LLGL1: variants seen among roughly 807,000 people sequenced by gnomAD.
The protein encoded by LLGL1 is LLGL scribble cell polarity complex component 1, also known as lethal(2) giant larvae protein homolog 1.
LLGL1 carries 58 observed loss-of-function variants against 110.6 expected under a neutral mutation model. The observed-to-expected ratio is 0.52, with a 90% confidence interval of 0.42 to 0.65. The LOEUF is 0.65. Among genes scored for constraint, LLGL1 ranks in the 30% least tolerant of loss-of-function variants. The pLI is 0.00. For synonymous variants in LLGL1, 674 were observed against 607.2 expected, an observed-to-expected ratio of 1.11 and a Z score of -1.62; for missense variants, 1,229 against 1,462.1, an observed-to-expected ratio of 0.84 and a Z score of 2.60.
chr17:18,234,886 G>T lies in LLGL1; in HGVS notation c.953G>T (p.Gly318Val). 1 of 1,614,002 alleles carries T rather than the reference G, an allele frequency of 6.2e-7. No homozygotes were observed. The highest frequency in any genetic ancestry group is 1.6e-4 in the Middle Eastern group (1 of 6,062). ...GGTGGCATGCCCCGTGCCAGCTATG[G>T]TGACCGCCACTGTGTAAGTGTGCTT... ...FSGGMPRASY[G>V]DRHCVSVLRA... Residue 318 changes from glycine to valine, a missense_variant, in exon 9 of 23, where the codon GGT becomes GTT. Transcript: ENST00000316843.
At chr17:18,233,631 A>C (rs1431477273) in intron 4 of LLGL1, 147 bp from the exon 5 acceptor site, 6 of 761,262 alleles carry the variant, frequency 7.9e-6, no homozygotes, top group African/African-American at 7.0e-5. Flanking sequence ...ATGATGATGC[A>C]TGTCTTCCTG....
chr17:18,226,688 G>A (rs1048495322), intron 1 of LLGL1, among the ~76,000 whole-genome samples: 4 of 152,246 alleles, frequency 2.6e-5, no homozygotes, highest in African/African-American at 9.6e-5. Context: ...GCACCAAGGT[G>A]GAGTGAGGTG....
chr17:18,225,900 C>G (rs1381815681), intron 1 of LLGL1, 137 bp downstream of exon 1: 1 of 214,018 alleles, frequency 4.7e-6, no homozygotes, highest in Admixed American at 6.6e-5. Flanking sequence ...GGGGCCGGGC[C>G]GGGCCGCGCA....
At position 18,233,805 on chromosome 17, in the gene LLGL1, A is replaced by G. The variant is rs1597865227; in HGVS notation, c.420A>G (p.Thr140=). Residue 140 remains threonine, a synonymous_variant, in exon 5 of 23, where the codon ACA becomes ACG. Transcript: ENST00000316843. Reference sequence around the variant, plus strand: ...CTCCGCTCAGCCTTACCCGAGTCACAGTGGTCCTGCTGGTGGCTGCCAGCG... The same window carrying G: ...CTCCGCTCAGCCTTACCCGAGTCACGGTGGTCCTGCTGGTGGCTGCCAGCG... The part of the protein sequence containing the change: ...ASAPLSLTRV[T]VVLLVAASDI... 4 of 1,613,952 alleles carry G rather than the reference A, an allele frequency of 2.5e-6. No individual in the cohort carries two copies. The highest frequency in any genetic ancestry group is 3.4e-6 in the Non-Finnish European group (4 of 1,179,934).
intron 17 of LLGL1, 67 bp from the exon 18 acceptor site, chr17:18,241,384 C>T (rs898832196): frequency 5.8e-5 from 89 of 1,539,146 alleles, no homozygotes; most frequent in Non-Finnish European, 7.3e-5. Context: ...TCAGCAGCCA[C>T]GAGGGTGAGG....
At chr17:18,235,658 G>A (rs2047677149) in intron 11 of LLGL1, 121 bp downstream of exon 11, 1 of 914,690 alleles carries the variant, frequency 1.1e-6, no homozygotes, top group African/African-American at 1.7e-5. Flanking sequence ...GGACCAGGTA[G>A]TTCCTCCTTG....
In LLGL1 at chr17:18,234,426, CT is replaced by C; in HGVS notation, c.850+20del. 1 of 1,609,524 alleles carries C rather than the reference CT, an allele frequency of 6.2e-7. No homozygotes were observed. Among genetic ancestry groups the C allele is most frequent in the Non-Finnish European group, 8.5e-7 (1 of 1,178,216 alleles). ...ACCTTACGGTGAGTGCTGGGGACACCTTAGCCAGAGGGTGGTGATGGGAGGG... is the reference window on the plus strand; with the variant it reads ...ACCTTACGGTGAGTGCTGGGGACACCTAGCCAGAGGGTGGTGATGGGAGGG... On this transcript the variant is annotated intron_variant, in intron 7 of 22. Coordinates refer to ENST00000316843, the MANE Select transcript of LLGL1 (RefSeq NM_004140.4).
intron 17 of LLGL1, chr17:18,241,105 C>T: frequency 1.7e-6 from 1 of 588,214 alleles, no homozygotes; most frequent in Non-Finnish European, 2.9e-6. Flanking sequence ...CTAGTCCTAT[C>T]TCACTGTGCC....
chr17:18,243,569 C>T (rs1029681371), intron 22 of LLGL1, among the ~76,000 whole-genome samples: 71 of 152,356 alleles, frequency 4.7e-4, no homozygotes, highest in African/African-American at 1.5e-3. Context: ...TCTGTGGATC[C>T]TCACCTAGAT....
In LLGL1 at chr17:18,242,176, C is replaced by T. The variant is rs537626619; in HGVS notation, c.2893C>T (p.Arg965Ter). Residue 965 changes from arginine to a stop codon, truncating the protein, a stop_gained, in exon 20 of 23, where the codon CGA becomes TGA. Transcript: ENST00000316843. LOFTEE classifies it high-confidence loss of function. ...GCCCCATCTCTGCAGTTACAGGATC[C>T]GAGAGTCACCCAAGCTGAGCCAGGC... ...RDATQASYRI[R>*]ESPKLSQANG... The T allele has an allele frequency of 2.5e-6, 4 of 1,613,752 alleles. No homozygotes were observed. Among genetic ancestry groups the T allele is most frequent in the South Asian group, 1.1e-5 (1 of 91,070 alleles).
At position 18,238,595 on chromosome 17, in the gene LLGL1, C is replaced by T; in HGVS notation, c.2192C>T (p.Thr731Ile). The change falls in exon 16 of 23, where the codon ACA becomes ATA. Residue 731 changes from threonine (T) to isoleucine (I), a missense_variant. Transcript: ENST00000316843. ...GTGCGTTGCCTATACTTTGCCGACACATTCCTTCGAGATGGTAAGGCAGGG... is the reference window on the plus strand; with the variant it reads ...GTGCGTTGCCTATACTTTGCCGACATATTCCTTCGAGATGGTAAGGCAGGG... Reference protein sequence around the residue: ...GVVRCLYFADTFLRDGAHHGP... With the variant: ...GVVRCLYFADIFLRDGAHHGP... The T allele has an allele frequency of 6.2e-7, 1 of 1,612,208 alleles. No homozygotes were observed. The highest frequency in any genetic ancestry group is 8.5e-7 in the Non-Finnish European group (1 of 1,179,668).
chr17:18,241,399 C>T (rs2047828199), intron 17 of LLGL1, 52 bp from the exon 18 acceptor site: 12 of 1,569,170 alleles, frequency 7.6e-6, no homozygotes, highest in Non-Finnish European at 1.0e-5. Context: ...GTGAGGGGCC[C>T]TGGGGACGAG....
chr17:18,227,318 G>T (rs980594921), intron 1 of LLGL1, among the ~76,000 whole-genome samples: 4 of 152,164 alleles, frequency 2.6e-5, no homozygotes, highest in Admixed American at 6.5e-5. Context: ...TTTCTGTGCC[G>T]GGGAGGCTGT....
chr17:18,233,497 T>C lies in LLGL1; in HGVS notation c.393-281T>C, dbSNP rs536768012. 1.8e-4 allele frequency among the ~76,000 whole-genome samples: 27 copies of C among 152,246 alleles called. No individual in the cohort carries two copies. The East Asian group carries it at 5.0e-3, about 28-fold the overall frequency. On this transcript the variant is annotated intron_variant, in intron 4 of 22. Coordinates refer to ENST00000316843, the MANE Select transcript of LLGL1 (RefSeq NM_004140.4). ...GAGCTCCTGGTCCTGGCTTGGGCAG[T>C]GCCCTGGTTCCTGCTGTCCTCTCCT...
At position 18,238,174 on chromosome 17, in the gene LLGL1, GT is replaced by G; in HGVS notation, c.2013del (p.Val672SerfsTer32). 1 of 1,613,002 alleles carries G rather than the reference GT, an allele frequency of 6.2e-7. No individual in the cohort carries two copies. Among genetic ancestry groups the G allele is most frequent in the Non-Finnish European group, 8.5e-7 (1 of 1,180,028 alleles). The stretch of plus-strand genomic sequence containing the variant: ...TCTTTCCGGCGCATTCGCAAGAGTC[GT>G]GTCTCTGGCAAGAAGCGGGCTGCTA... Reference protein sequence around the residue: ...RQSFRRIRKSRVSGKKRAANA... With the variant: ...RQSFRRIRKSXVSGKKRAANA... On this transcript the variant is annotated frameshift_variant, in exon 15 of 23. Transcript: ENST00000316843.
Position 18,234,110 on chromosome 17 carries a change from CG to C in LLGL1, c.653del (p.Gly218AlafsTer61). On this transcript the variant is annotated frameshift_variant, in exon 6 of 23. Coordinates refer to ENST00000316843, the MANE Select transcript of LLGL1 (RefSeq NM_004140.4). LOFTEE classifies it high-confidence loss of function. Reference protein sequence around the residue: ...DPTKILIGYSRGLLVIWNQAS... With the variant: ...DPTKILIGYSXGLLVIWNQAS... Reference sequence around the variant, plus strand: ...CACAAAGATTCTCATTGGCTACAGCCGGGGCCTGCTGGTCATCTGGAACCAG... The same window carrying C: ...CACAAAGATTCTCATTGGCTACAGCCGGGCCTGCTGGTCATCTGGAACCAG... The C allele has an allele frequency of 6.2e-7, 1 of 1,611,982 alleles. No individual in the cohort carries two copies.
chr17:18,238,493 GC>G lies in LLGL1; in HGVS notation c.2095del (p.His699ThrfsTer5). ...AATGCACAGCTGGCTGAGCAGGCCT[GC>G]CCCCACGACGTGGAGATGACGCCCG... ...EANAQLAEQA[C>X]PHDVEMTPVQ... On this transcript the variant is annotated frameshift_variant, in exon 16 of 23. Coordinates refer to ENST00000316843, the MANE Select transcript of LLGL1 (RefSeq NM_004140.4). The G allele has an allele frequency of 6.2e-7, 1 of 1,612,182 alleles. No homozygotes were observed. The highest frequency in any genetic ancestry group is 8.5e-7 in the Non-Finnish European group (1 of 1,179,886).
In LLGL1 at chr17:18,240,110, G is replaced by T. The variant is rs898441732; in HGVS notation, c.2207-468G>T. Among the ~76,000 whole-genome samples the T allele has an allele frequency of 1.3e-5, 2 of 152,122 alleles. No individual in the cohort carries two copies. The highest frequency in any genetic ancestry group is 2.4e-5 in the African/African-American group (1 of 41,426). On this transcript the variant is annotated intron_variant, in intron 16 of 22. Transcript: ENST00000316843. This position sits in a 1 kb window ranked among gnomAD's most constrained non-coding sequence, Gnocchi z 5.3. The stretch of plus-strand genomic sequence containing the variant: ...TAGGGAGCACACTGAAGACAGTGGG[G>T]GTGAAGCAGGGCTAAGACAAGGCAC...
In LLGL1 at chr17:18,238,598, T is replaced by G; in HGVS notation, c.2195T>G (p.Phe732Cys). The change falls in exon 16 of 23, where the codon TTC becomes TGC. Residue 732 changes from phenylalanine to cysteine, a missense_variant. Physicochemically the swap from Phe to Cys is radical, Grantham distance 205. Coordinates refer to ENST00000316843, the MANE Select transcript of LLGL1 (RefSeq NM_004140.4). ...CGTTGCCTATACTTTGCCGACACAT[T>G]CCTTCGAGATGGTAAGGCAGGGGCA... ...VVRCLYFADT[F>C]LRDGAHHGPT... is the part of the protein sequence containing the mutation. 5.0e-6 allele frequency: 8 copies of G among 1,611,990 alleles called. No homozygotes were observed. Among genetic ancestry groups the G allele is most frequent in the Non-Finnish European group, 6.8e-6 (8 of 1,179,578 alleles).
Sources: allele counts gnomAD v4.1 joint callset (sites outside exome capture counted in the v4.1 genomes callset), GRCh38; gene constraint gnomAD v4.1.1; non-coding constraint Gnocchi (gnomAD v3.1); transcripts MANE v1.5; gene names NCBI Gene and HGNC (gene_info 2026-07-23, HGNC 2026-07-21).